AMBRA1: variants seen among roughly 807,000 people sequenced by gnomAD.
The protein encoded by AMBRA1 is autophagy and beclin 1 regulator 1.
AMBRA1 carries 47 observed loss-of-function variants against 125.4 expected under a neutral mutation model. That is an observed-to-expected ratio of 0.37 (90% CI 0.30 to 0.48). AMBRA1 has a LOEUF of 0.48. AMBRA1 is among the 20% of genes least tolerant of loss of function. The probability of loss-of-function intolerance (pLI) is 0.99; values close to 1 mark genes in which losing one functional copy is unlikely to be tolerated. For missense variants in AMBRA1, 1,331 were observed against 1,693.4 expected (o/e 0.79, Z 3.76); for synonymous variants, 626 against 655.5 (o/e 0.95, Z 0.69).
At position 46,397,105 on chromosome 11, in the gene AMBRA1, C is replaced by G; in HGVS notation, c.*345G>C. 4.9e-6 allele frequency: 1 copy of G among 202,240 alleles called. No individual in the cohort carries two copies. Among genetic ancestry groups the G allele is most frequent in the Non-Finnish European group, 9.9e-6 (1 of 101,484 alleles). 12.5% of individuals were successfully genotyped at this position (202,240 alleles called of 1,614,324 possible). A position where few individuals can be genotyped will look rare whatever the true frequency, so the allele number is the denominator to read the frequency against. On this transcript the variant is annotated 3_prime_UTR_variant, in exon 18 of 18. Coordinates refer to ENST00000683756, the MANE Select transcript of AMBRA1 (RefSeq NM_001387011.1). ...ATTGGCCCAGATCTGGAAGACTGTTCACTCTCTGGAGGCTCTCTGTCCAGG... is the reference window on the plus strand; with the variant it reads ...ATTGGCCCAGATCTGGAAGACTGTTGACTCTCTGGAGGCTCTCTGTCCAGG...
In AMBRA1 at chr11:46,587,100, T is replaced by G. The variant is rs73449978; in HGVS notation, c.-121+6728A>C. Among the ~76,000 whole-genome samples the G allele has an allele frequency of 2.0e-3, 300 of 152,184 alleles. 2 individuals are homozygous for G. Among genetic ancestry groups the G allele is most frequent in the African/African-American group, 7.0e-3 (289 of 41,528 alleles). On this transcript the variant is annotated intron_variant, in intron 1 of 17. Transcript: ENST00000683756. The stretch of plus-strand genomic sequence containing the variant: ...CATTTTAAAGAAACACAACTTCAGG[T>G]CAGGCACAGTGGCTCCCGCCTATAA...
intron 9 of AMBRA1, among the ~76,000 whole-genome samples, chr11:46,505,140 T>C (rs1950985500): frequency 6.6e-6 from 1 of 152,234 alleles, no homozygotes; most frequent in South Asian, 2.1e-4. Flanking sequence ...ACTCGCCATA[T>C]CTACCTTACA....
chr11:46,446,067 G>A (rs1364769796), intron 11 of AMBRA1, among the ~76,000 whole-genome samples: 3 of 152,192 alleles, frequency 2.0e-5, no homozygotes, highest in African/African-American at 7.2e-5. Flanking sequence ...ACATCTTCTG[G>A]AGAACAGCTG....
chr11:46,471,956 C>T (rs117178898), intron 11 of AMBRA1, among the ~76,000 whole-genome samples: 279 of 152,200 alleles, frequency 1.8e-3, no homozygotes, highest in Non-Finnish European at 3.0e-3. Flanking sequence ...GGATTTGTTG[C>T]CTCGTTTCAC....
chr11:46,506,230 G>A (rs1444869776), intron 9 of AMBRA1, among the ~76,000 whole-genome samples: 3 of 152,206 alleles, frequency 2.0e-5, no homozygotes, highest in Non-Finnish European at 2.9e-5. Flanking sequence ...ACAGTCAGAA[G>A]GTAGCTCTGC....
At chr11:46,433,427 G>A (rs374249850) in intron 14 of AMBRA1, 47 bp downstream of exon 14, 3 of 1,599,590 alleles carry the variant, frequency 1.9e-6, no homozygotes, top group Admixed American at 1.7e-5. Context: ...ACCCTTCCAA[G>A]CCTAGGGGAG....
intron 1 of AMBRA1, among the ~76,000 whole-genome samples, chr11:46,558,044 G>A (rs986208141): frequency 1.1e-4 from 17 of 152,126 alleles, no homozygotes; most frequent in Non-Finnish European, 1.8e-4. Flanking sequence ...AAGCAAATGA[G>A]TGAAACCTTC....
At chr11:46,534,350 C>T (rs573899736) in intron 7 of AMBRA1, among the ~76,000 whole-genome samples, 1 of 151,806 alleles carries the variant, frequency 6.6e-6, no homozygotes, top group East Asian at 1.9e-4. Context: ...GAAAAGTTAG[C>T]CAGGCGTGGT....
chr11:46,509,896 G>A (rs1365282215), intron 8 of AMBRA1, among the ~76,000 whole-genome samples: 1 of 152,052 alleles, frequency 6.6e-6, no homozygotes, highest in Admixed American at 6.6e-5. Flanking sequence ...ATTAAGAACA[G>A]AAACAGGAAT....
intron 9 of AMBRA1, chr11:46,494,525 A>G (rs985670935): frequency 5.0e-6 from 1 of 199,642 alleles, no homozygotes; most frequent in Non-Finnish European, 1.0e-5. Context: ...AACTTTTTCT[A>G]TATTGAAAGA....
intron 11 of AMBRA1, among the ~76,000 whole-genome samples, chr11:46,484,685 C>T (rs1393112115): frequency 6.6e-6 from 1 of 151,710 alleles, no homozygotes; most frequent in Admixed American, 6.6e-5. Flanking sequence ...CTCACTCTGT[C>T]GCCCAGGCTG....
At chr11:46,453,349 T>C (rs114370180) in intron 11 of AMBRA1, among the ~76,000 whole-genome samples, 94 of 152,190 alleles carry the variant, frequency 6.2e-4, no homozygotes, top group African/African-American at 2.2e-3. Flanking sequence ...CACTGCAGCC[T>C]TGAACTACTG....
chr11:46,522,858 A>G (rs1328074160), intron 7 of AMBRA1, among the ~76,000 whole-genome samples: 1 of 152,230 alleles, frequency 6.6e-6, no homozygotes, highest in Admixed American at 6.5e-5. Context: ...ACCCTTGACC[A>G]AGGCCATTCA....
Position 46,434,842 on chromosome 11 carries a change from C to A in AMBRA1, c.2821+7G>T. The A allele has an allele frequency of 6.3e-7, 1 of 1,588,324 alleles. No individual in the cohort carries two copies. The highest frequency in any genetic ancestry group is 8.6e-7 in the Non-Finnish European group (1 of 1,167,692). On this transcript the variant is annotated splice_region_variant and intron_variant, in intron 13 of 17. Coordinates refer to ENST00000683756, the MANE Select transcript of AMBRA1 (RefSeq NM_001387011.1). ...TCTGTCATTAGGTTGGGCTTCCTAT[C>A]CCTTACCAAATCGCTTGGTGTAGAG...
intron 12 of AMBRA1, among the ~76,000 whole-genome samples, chr11:46,436,404 TCGGGGGCTGACACCTACAG>T (rs376733491): frequency 0.017 from 2,659 of 152,300 alleles, 38 homozygotes; most frequent in Non-Finnish European, 0.03. Context: ...TTGTGCCAAC[TCGGGGGCTGACACCTACAG>T]CACCATTACA....
At chr11:46,429,185 C>T in intron 14 of AMBRA1, 2 of 1,498,974 alleles carry the variant, frequency 1.3e-6, no homozygotes, top group South Asian at 1.2e-5. Flanking sequence ...GCTTCATCCT[C>T]CCCCTCTCCC....
intron 7 of AMBRA1, among the ~76,000 whole-genome samples, chr11:46,532,374 C>T (rs1383060067): frequency 6.6e-6 from 1 of 152,156 alleles, no homozygotes; most frequent in Admixed American, 6.5e-5. Flanking sequence ...GAGGAGGAAG[C>T]TCCTGAAAAC....
chr11:46,544,116 G>T, intron 5 of AMBRA1, 75 bp from the exon 6 acceptor site: 1 of 1,208,010 alleles, frequency 8.3e-7, no homozygotes, highest in Non-Finnish European at 1.2e-6. Context: ...ACTTGTGTTT[G>T]AATTTATAGC....
chr11:46,517,627 G>A (rs1951556192), intron 7 of AMBRA1, among the ~76,000 whole-genome samples: 1 of 149,958 alleles, frequency 6.7e-6, no homozygotes, highest in Non-Finnish European at 1.5e-5. Context: ...GAGGTCAGGA[G>A]ATCGAGACCA....
Sources: allele counts gnomAD v4.1 joint callset (sites outside exome capture counted in the v4.1 genomes callset), GRCh38; gene constraint gnomAD v4.1.1; transcripts MANE v1.5; gene names NCBI Gene and HGNC (gene_info 2026-07-23, HGNC 2026-07-21).